The following ZBTB7C variants were observed in gnomAD, a reference collection of about 807,000 sequenced individuals.
ZBTB7C encodes the protein zinc finger and BTB domain containing 7C.
ZBTB7C carries 8 observed loss-of-function variants against 25.7 expected under a neutral mutation model. The ratio of observed to expected loss-of-function variants is 0.31; its 90% CI spans 0.18 to 0.56. The LOEUF (loss-of-function observed/expected upper bound fraction) is 0.56, where lower values mean the gene tolerates loss of function less well. Ranked by LOEUF, ZBTB7C falls within the 20% of genes least tolerant of loss-of-function variation. The pLI is 0.91. For synonymous variants in ZBTB7C, 394 were observed against 369.0 expected, an observed-to-expected ratio of 1.07 and a Z score of -0.78; for missense variants, 824 against 855.2, an observed-to-expected ratio of 0.96 and a Z score of 0.46.
intron 2 of ZBTB7C, among the ~76,000 whole-genome samples, chr18:48,299,963 C>G (rs2045501648): frequency 6.6e-6 from 1 of 152,214 alleles, no homozygotes; most frequent in Non-Finnish European, 1.5e-5. Context: ...AAAAGCAGAG[C>G]TCCCCAAATG....
chr18:48,357,046 G>C (rs1568396941), intron 1 of ZBTB7C, among the ~76,000 whole-genome samples: 2 of 152,202 alleles, frequency 1.3e-5, no homozygotes, highest in African/African-American at 4.8e-5. Context: ...GCTCAGTTCA[G>C]GGCACAGGGA....
intron 3 of ZBTB7C, among the ~76,000 whole-genome samples, chr18:48,090,994 T>C (rs1480152206): frequency 2.0e-5 from 3 of 151,750 alleles, no homozygotes. Context: ...CTGGTAGCCA[T>C]GATAAAAAGG....
intron 3 of ZBTB7C, among the ~76,000 whole-genome samples, chr18:48,177,225 C>T (rs567754368): frequency 1.5e-4 from 23 of 152,308 alleles, no homozygotes; most frequent in African/African-American, 5.5e-4. Flanking sequence ...AAAGTGGTCC[C>T]CTCGCCCTCC....
chr18:48,367,758 T>C (rs1053046510), intron 1 of ZBTB7C, among the ~76,000 whole-genome samples: 8 of 151,814 alleles, frequency 5.3e-5, no homozygotes, highest in Non-Finnish European at 1.0e-4. Context: ...AGAGGAGGCC[T>C]AATAGAGTCA....
rs755450361 is a variant in ZBTB7C, at chr18:48,360,593, C to T, written c.-303-22195G>A. Reference sequence around the variant, plus strand: ...AAGGAGCCAGGGGAGGGAGAGAACACGGTAAGGGGCTGATGAGTAGCCCAG... The same window carrying T: ...AAGGAGCCAGGGGAGGGAGAGAACATGGTAAGGGGCTGATGAGTAGCCCAG... On this transcript the variant is annotated intron_variant, in intron 1 of 4. Coordinates refer to ENST00000590800, the MANE Select transcript of ZBTB7C (RefSeq NM_001318841.2). Among the ~76,000 whole-genome samples the T allele has an allele frequency of 4.6e-5, 7 of 152,046 alleles. No homozygotes were observed. In the East Asian group the frequency reaches 1.2e-3, roughly 25 times the overall value.
intron 2 of ZBTB7C, among the ~76,000 whole-genome samples, chr18:48,236,706 T>C (rs1362243825): frequency 6.6e-6 from 1 of 152,196 alleles, no homozygotes; most frequent in African/African-American, 2.4e-5. Flanking sequence ...GAGGGCTAAC[T>C]GTGGAAATTT....
chr18:48,057,254 G>T (rs1310291353), intron 3 of ZBTB7C, among the ~76,000 whole-genome samples: 2 of 152,028 alleles, frequency 1.3e-5, no homozygotes, highest in Admixed American at 1.3e-4. Context: ...TATATATCTT[G>T]CAATTTCACT....
At chr18:48,218,080 T>C (rs1172473846) in intron 2 of ZBTB7C, among the ~76,000 whole-genome samples, 2 of 152,058 alleles carry the variant, frequency 1.3e-5, no homozygotes, top group African/African-American at 4.8e-5. Context: ...CACCTGCAAG[T>C]CCAGGGTGCC....
At chr18:48,096,798 A>G (rs1273809819) in intron 3 of ZBTB7C, among the ~76,000 whole-genome samples, 1 of 152,208 alleles carries the variant, frequency 6.6e-6, no homozygotes, top group African/African-American at 2.4e-5. Context: ...GATTTGACTC[A>G]ATGATCCTGT....
At chr18:48,333,399 C>A (rs1408596236) in intron 2 of ZBTB7C, among the ~76,000 whole-genome samples, 2 of 151,858 alleles carry the variant, frequency 1.3e-5, no homozygotes, top group Non-Finnish European at 2.9e-5. Flanking sequence ...AGATCCACAG[C>A]ACCTTTTACT....
intron 2 of ZBTB7C, among the ~76,000 whole-genome samples, chr18:48,238,633 T>C (rs1031586435): frequency 1.3e-5 from 2 of 152,006 alleles, no homozygotes; most frequent in Admixed American, 1.3e-4. Flanking sequence ...GCGCTCCTGG[T>C]CCCCAGGGAA....
intron 3 of ZBTB7C, among the ~76,000 whole-genome samples, chr18:48,172,717 G>A (rs1297384645): frequency 1.3e-5 from 2 of 152,262 alleles, no homozygotes; most frequent in Admixed American, 6.5e-5. Context: ...GAGCTGGCCC[G>A]GGGCGAAGAG....
chr18:48,213,026 G>A (rs932272164), intron 2 of ZBTB7C, among the ~76,000 whole-genome samples: 2 of 151,940 alleles, frequency 1.3e-5, no homozygotes, highest in African/African-American at 2.4e-5. Flanking sequence ...GCCGGAGACC[G>A]GCGAGAGAAT....
At chr18:48,398,272 C>T (rs1390241510) in intron 1 of ZBTB7C, among the ~76,000 whole-genome samples, 1 of 152,222 alleles carries the variant, frequency 6.6e-6, no homozygotes, top group Non-Finnish European at 1.5e-5. Context: ...CAGGGCTGCT[C>T]GGCCACTGCT....
intron 1 of ZBTB7C, among the ~76,000 whole-genome samples, chr18:48,360,687 A>T (rs2047083717): frequency 6.6e-6 from 1 of 152,146 alleles, no homozygotes; most frequent in Non-Finnish European, 1.5e-5. Context: ...TGAGTGGTCT[A>T]GTGGAATCCC....
At position 48,338,405 on chromosome 18, in the gene ZBTB7C, G is replaced by A. The variant is rs114457174; in HGVS notation, c.-303-7C>T. ...CCAGCTGCTCAGAGGGGATCTGCAG[G>A]AAGAACAGAGGGCTCCATCACCCAC... On this transcript the variant is annotated splice_polypyrimidine_tract_variant and splice_region_variant and intron_variant, in intron 1 of 4. Transcript: ENST00000590800. 5,284 of 152,338 alleles carry A rather than the reference G, an allele frequency of 0.035. 172 individuals are homozygous for A. Among genetic ancestry groups the A allele is most frequent in the African/African-American group, 0.09 (3,757 of 41,548 alleles). 9.4% of individuals were successfully genotyped at this position (152,338 alleles called of 1,614,324 possible).
chr18:48,324,726 C>A (rs887677227), intron 2 of ZBTB7C, among the ~76,000 whole-genome samples: 1 of 152,292 alleles, frequency 6.6e-6, no homozygotes, highest in Non-Finnish European at 1.5e-5. Flanking sequence ...AAGAGAATGA[C>A]ATGCTCAGAT....
intron 1 of ZBTB7C, among the ~76,000 whole-genome samples, chr18:48,362,028 T>C (rs1383012579): frequency 6.6e-6 from 1 of 152,086 alleles, no homozygotes; most frequent in Non-Finnish European, 1.5e-5. Context: ...AACAGCTCCA[T>C]CACAGGGAAG....
intron 2 of ZBTB7C, among the ~76,000 whole-genome samples, chr18:48,283,579 C>G (rs1041956279): frequency 1.3e-5 from 2 of 152,130 alleles, no homozygotes; most frequent in Non-Finnish European, 2.9e-5. Flanking sequence ...TTTAGACAGA[C>G]ATGAAGTTGA....
Sources: allele counts gnomAD v4.1 joint callset (sites outside exome capture counted in the v4.1 genomes callset), GRCh38; gene constraint gnomAD v4.1.1; transcripts MANE v1.5; gene names NCBI Gene and HGNC (gene_info 2026-07-23, HGNC 2026-07-21).